The following MTHFD2L variants were observed in gnomAD, a reference collection of about 807,000 sequenced individuals.
MTHFD2L encodes bifunctional methylenetetrahydrofolate dehydrogenase/cyclohydrolase 2, mitochondrial.
A neutral mutation model predicts 34.9 loss-of-function variants in MTHFD2L; 29 were observed. That is an observed-to-expected ratio of 0.83 (90% CI 0.62 to 1.13). MTHFD2L has a LOEUF of 1.13. Ranked by LOEUF, MTHFD2L falls within the 50% of genes most tolerant of loss-of-function variation. The pLI is 0.00. For missense variants in MTHFD2L, 481 were observed against 446.5 expected, an observed-to-expected ratio of 1.08 and a Z score of -0.70; for synonymous variants, 167 against 155.7, an observed-to-expected ratio of 1.07 and a Z score of -0.54.
intron 5 of MTHFD2L, among the ~76,000 whole-genome samples, chr4:74,216,491 C>G (rs187180584): frequency 1.3e-5 from 2 of 151,900 alleles, no homozygotes; most frequent in South Asian, 4.2e-4. Context: ...GGAATGACAC[C>G]AGGACTTTTT....
intron 7 of MTHFD2L, among the ~76,000 whole-genome samples, chr4:74,296,443 T>C (rs1262564417): frequency 6.6e-6 from 1 of 152,114 alleles, no homozygotes; most frequent in Non-Finnish European, 1.5e-5. Context: ...GCCACTCTTG[T>C]TACTCCAAGT....
At chr4:74,195,180 C>A (rs1047274597) in intron 3 of MTHFD2L, 1 of 152,060 alleles carries the variant, frequency 6.6e-6, no homozygotes, top group Non-Finnish European at 1.5e-5. Flanking sequence ...TGAGAGAAGA[C>A]GAGAGTAACC....
upstream of MTHFD2L, among the ~76,000 whole-genome samples, chr4:74,118,859 A>G (rs188365968): frequency 2.6e-5 from 4 of 152,358 alleles, no homozygotes; most frequent in Non-Finnish European, 5.9e-5. Context: ...TGGTGGCATT[A>G]GATTCTCATA....
intron 6 of MTHFD2L, among the ~76,000 whole-genome samples, chr4:74,226,736 T>C (rs1008933625): frequency 6.6e-6 from 1 of 152,176 alleles, no homozygotes; most frequent in African/African-American, 2.4e-5. Flanking sequence ...ATTCAATAAA[T>C]ATTGGACCCT....
At chr4:74,128,701 A>AT (rs1722254611) in intron 1 of MTHFD2L, among the ~76,000 whole-genome samples, 1 of 151,958 alleles carries the variant, frequency 6.6e-6, no homozygotes, top group Non-Finnish European at 1.5e-5. Context: ...TATTCAGGGA[A>AT]TTTTTTAGTG....
At chr4:74,122,976 A>G (rs1303427579), upstream of MTHFD2L, among the ~76,000 whole-genome samples, 6 of 152,200 alleles carry the variant, frequency 3.9e-5, no homozygotes, top group Admixed American at 1.3e-4. Flanking sequence ...ACTTTTCCAT[A>G]TAAGTTTTAA....
chr4:74,280,930 C>A (rs1035284401), intron 6 of MTHFD2L, among the ~76,000 whole-genome samples: 1 of 152,004 alleles, frequency 6.6e-6, no homozygotes, highest in Non-Finnish European at 1.5e-5. Flanking sequence ...TTTATGACAA[C>A]CCTGGGGAAT....
intron 6 of MTHFD2L, among the ~76,000 whole-genome samples, chr4:74,247,093 G>C (rs906280581): frequency 1.4e-5 from 2 of 147,898 alleles, no homozygotes; most frequent in South Asian, 2.2e-4. Context: ...TCACAATATT[G>C]ATTCTTCCTA....
chr4:74,274,801 T>C (rs1200724618), intron 6 of MTHFD2L, among the ~76,000 whole-genome samples: 1 of 152,186 alleles, frequency 6.6e-6, no homozygotes, highest in African/African-American at 2.4e-5. Context: ...GGTAGGACTA[T>C]TTATGTTGTA....
rs369900298 is a variant in MTHFD2L, at chr4:74,258,066, GA to G, written c.806-23349del. 4.9e-3 allele frequency among the ~76,000 whole-genome samples: 718 copies of G among 147,104 alleles called. 9 individuals carry two copies. Among genetic ancestry groups the G allele is most frequent in the African/African-American group, 0.016 (651 of 40,272 alleles). On this transcript the variant is annotated intron_variant, in intron 6 of 7. Coordinates refer to ENST00000325278, the MANE Select transcript of MTHFD2L (RefSeq NM_001144978.3). ...CACAACTGTTAGGTTGGCTATGCTG[GA>G]AAAAAAAAAGGTTACAAATGTTAGC...
chr4:74,179,266 A>G (rs926585331), intron 3 of MTHFD2L, among the ~76,000 whole-genome samples: 4 of 152,078 alleles, frequency 2.6e-5, no homozygotes, highest in African/African-American at 9.7e-5. Context: ...CATATATTTC[A>G]AACATTCACA....
chr4:74,163,444 C>G (rs1367639162), intron 1 of MTHFD2L, among the ~76,000 whole-genome samples: 1 of 152,254 alleles, frequency 6.6e-6, no homozygotes, highest in South Asian at 2.1e-4. Context: ...AGTTTGAAAA[C>G]AATGGATATT....
intron 2 of MTHFD2L, among the ~76,000 whole-genome samples, chr4:74,117,545 T>A (rs1372944827): frequency 6.6e-6 from 1 of 152,138 alleles, no homozygotes; most frequent in Non-Finnish European, 1.5e-5. Context: ...GCTGCTTGGA[T>A]TGAATTTTAA....
chr4:74,224,661 A>T (rs1340544189), intron 5 of MTHFD2L, among the ~76,000 whole-genome samples: 1 of 152,052 alleles, frequency 6.6e-6, no homozygotes, highest in Non-Finnish European at 1.5e-5. Context: ...TAAGGCTTTC[A>T]TATAAAATCT....
chr4:74,235,979 G>A (rs1268839510), intron 6 of MTHFD2L, among the ~76,000 whole-genome samples: 1 of 152,094 alleles, frequency 6.6e-6, no homozygotes, highest in Non-Finnish European at 1.5e-5. Flanking sequence ...CTTCATAAAT[G>A]TTTAATTTTT....
intron 1 of MTHFD2L, among the ~76,000 whole-genome samples, chr4:74,166,331 C>T (rs1365374698): frequency 6.6e-6 from 1 of 152,176 alleles, no homozygotes; most frequent in Non-Finnish European, 1.5e-5. Flanking sequence ...CAGTCTTTGC[C>T]TCTGTTGTTA....
At chr4:74,157,243 A>AT (rs1319177207), upstream of MTHFD2L, 1 of 192,078 alleles carries the variant, frequency 5.2e-6, no homozygotes, top group Non-Finnish European at 1.1e-5. Context: ...ACAGTCTATG[A>AT]TTTTAAAAAA....
chr4:74,122,775 G>A (rs573001655), upstream of MTHFD2L, among the ~76,000 whole-genome samples: 23 of 152,126 alleles, frequency 1.5e-4, no homozygotes, highest in South Asian at 4.1e-4. Context: ...CACCCATAAC[G>A]GTAAAGGATA....
intron 7 of MTHFD2L, among the ~76,000 whole-genome samples, chr4:74,285,848 A>G: frequency 6.6e-6 from 1 of 152,114 alleles, no homozygotes; most frequent in East Asian, 1.9e-4. Context: ...GTTCAAATTC[A>G]TATCCAATGC....
Sources: allele counts gnomAD v4.1 joint callset (sites outside exome capture counted in the v4.1 genomes callset), GRCh38; gene constraint gnomAD v4.1.1; transcripts MANE v1.5; gene names NCBI Gene and HGNC (gene_info 2026-07-23, HGNC 2026-07-21).